The following TMEM245 variants were observed in gnomAD, a reference collection of about 807,000 sequenced individuals.
The protein encoded by TMEM245 is protein CG-2.
A neutral mutation model predicts 101.2 loss-of-function variants in TMEM245; 69 were observed. That is an observed-to-expected ratio of 0.68 (90% CI 0.56 to 0.83). The LOEUF is 0.83. Ranked by LOEUF, TMEM245 falls within the 40% of genes least tolerant of loss-of-function variation. The pLI, the probability that TMEM245 is intolerant of heterozygous loss-of-function variation, is 0.00. For missense variants in TMEM245, 1,075 were observed against 1,092.8 expected (o/e 0.98, Z 0.23); for synonymous variants, 537 against 449.8 (o/e 1.19, Z -2.45).
chr9:109,118,304 G>C (rs973659247), intron 1 of TMEM245, among the ~76,000 whole-genome samples: 1 of 152,192 alleles, frequency 6.6e-6, no homozygotes, highest in Non-Finnish European at 1.5e-5. Flanking sequence ...CCGCTAGACA[G>C]ATAAGGGGAA....
intron 2 of TMEM245, 126 bp from the exon 3 acceptor site, chr9:109,106,735 GC>G: frequency 5.3e-6 from 3 of 561,822 alleles, no homozygotes; most frequent in East Asian, 3.2e-5. Context: ...TACTTATCAG[GC>G]AAAAAAAAAA....
intron 4 of TMEM245, among the ~76,000 whole-genome samples, chr9:109,092,615 T>C (rs1373054231): frequency 6.6e-6 from 1 of 152,176 alleles, no homozygotes; most frequent in African/African-American, 2.4e-5. Flanking sequence ...GCAAGAAAAA[T>C]AAGTGTTCCT....
In TMEM245 at chr9:109,118,436, T is replaced by C. The variant is rs546365540; in HGVS notation, c.579+899A>G. On this transcript the variant is annotated intron_variant, in intron 1 of 17. Transcript: ENST00000374586. ...AATTGGCATTCTTACGCACTAAATC[T>C]CCACTTGTTTTTAACAGTCTCCAGT... 1.1e-4 allele frequency among the ~76,000 whole-genome samples: 17 copies of C among 152,326 alleles called. No individual in the cohort carries two copies. In the East Asian group the frequency reaches 2.7e-3, roughly 24 times the overall value.
chr9:109,060,338 A>G lies in TMEM245; in HGVS notation c.1722+16T>C, dbSNP rs752906462. On this transcript the variant is annotated intron_variant, in intron 11 of 17. Coordinates refer to ENST00000374586, the MANE Select transcript of TMEM245 (RefSeq NM_032012.4). Reference sequence around the variant, plus strand: ...TTATTAGTTTACAACAGGAAACTTTAGCTAAAATAACTTACCTTTACAAAC... The same window carrying G: ...TTATTAGTTTACAACAGGAAACTTTGGCTAAAATAACTTACCTTTACAAAC... 1.3e-6 allele frequency: 2 copies of G among 1,583,486 alleles called. No homozygotes were observed. Among genetic ancestry groups the G allele is most frequent in the East Asian group, 4.5e-5 (2 of 44,568 alleles).
intron 8 of TMEM245, among the ~76,000 whole-genome samples, chr9:109,078,891 G>C (rs1323198557): frequency 6.6e-6 from 1 of 152,104 alleles, no homozygotes; most frequent in Admixed American, 6.6e-5. Context: ...ATGTCTGCTA[G>C]ATGTTTGATA....
intron 6 of TMEM245, 143 bp from the exon 7 acceptor site, chr9:109,086,163 G>T: frequency 2.6e-6 from 2 of 758,006 alleles, no homozygotes; most frequent in Non-Finnish European, 4.4e-6. Flanking sequence ...CGGAAAAACT[G>T]TAACACATCA....
intron 7 of TMEM245, among the ~76,000 whole-genome samples, chr9:109,084,974 T>C (rs542849624): frequency 1.2e-4 from 19 of 152,338 alleles, no homozygotes; most frequent in African/African-American, 4.3e-4. Flanking sequence ...TTTGATCTAT[T>C]TTCAAGAAGT....
chr9:109,089,290 G>A (rs768549630), intron 5 of TMEM245, among the ~76,000 whole-genome samples: 9 of 151,522 alleles, frequency 5.9e-5, no homozygotes, highest in Non-Finnish European at 1.0e-4. Flanking sequence ...TGCTCCCTGA[G>A]GACAGGCACT....
At chr9:109,087,465 A>T in intron 5 of TMEM245, 123 bp from the exon 6 acceptor site, 1 of 1,027,050 alleles carries the variant, frequency 9.7e-7, no homozygotes. Flanking sequence ...AAAGAAGATC[A>T]ATGTTAAAAA....
intron 6 of TMEM245, among the ~76,000 whole-genome samples, 196 bp from the exon 7 acceptor site, chr9:109,086,216 T>C (rs138742414): frequency 7.2e-5 from 11 of 152,316 alleles, no homozygotes; most frequent in Admixed American, 1.3e-4. Context: ...TTAAGATATA[T>C]AATGATTGAA....
intron 12 of TMEM245, among the ~76,000 whole-genome samples, chr9:109,052,231 T>C (rs372189518): frequency 6.6e-6 from 1 of 152,204 alleles, no homozygotes; most frequent in African/African-American, 2.4e-5. Context: ...CCCATTACCA[T>C]TTCTAAAATG....
At chr9:109,061,959 G>T (rs1829029203) in intron 10 of TMEM245, among the ~76,000 whole-genome samples, 1 of 151,884 alleles carries the variant, frequency 6.6e-6, no homozygotes, top group South Asian at 2.1e-4. Context: ...TCATTGCAGG[G>T]TTACTTGTGA....
At chr9:109,090,270 A>C (rs12005939) in intron 5 of TMEM245, among the ~76,000 whole-genome samples, 20,385 of 151,902 alleles carry the variant, frequency 0.13, 1,612 homozygotes, top group African/African-American at 0.19. Context: ...CAAAAAAAAA[A>C]CAAAAAATCA....
At chr9:109,023,382 T>TA (rs925015054) in intron 17 of TMEM245, among the ~76,000 whole-genome samples, 13 of 152,232 alleles carry the variant, frequency 8.5e-5, no homozygotes, top group African/African-American at 3.1e-4. Flanking sequence ...GTAAAGCTCA[T>TA]AAAACTATAA....
At chr9:109,029,703 A>T (rs1172199088) in intron 17 of TMEM245, among the ~76,000 whole-genome samples, 1 of 152,216 alleles carries the variant, frequency 6.6e-6, no homozygotes, top group Non-Finnish European at 1.5e-5. Context: ...ATTCCAATGC[A>T]AGGGAGAGTT....
chr9:109,029,018 C>T (rs537979057), intron 17 of TMEM245, among the ~76,000 whole-genome samples: 1 of 152,106 alleles, frequency 6.6e-6, no homozygotes, highest in African/African-American at 2.4e-5. Context: ...ACATGTCATA[C>T]AAAATATAAA....
intron 8 of TMEM245, among the ~76,000 whole-genome samples, chr9:109,076,849 C>A (rs921490414): frequency 6.6e-6 from 1 of 151,978 alleles, no homozygotes; most frequent in African/African-American, 2.4e-5. Context: ...CATCACAATG[C>A]CCAGCTAAAT....
intron 9 of TMEM245, among the ~76,000 whole-genome samples, chr9:109,066,356 G>A (rs924627355): frequency 6.7e-6 from 1 of 148,940 alleles, no homozygotes; most frequent in Admixed American, 6.8e-5. Flanking sequence ...TCAGGAGCCT[G>A]AGGCACAGGA....
Position 109,020,222 on chromosome 9 carries a change from A to C in TMEM245, c.*238T>G. The C allele has an allele frequency of 1.8e-6, 1 of 552,502 alleles. No individual in the cohort carries two copies. 34.2% of individuals were successfully genotyped at this position (552,502 alleles called of 1,614,324 possible). On this transcript the variant is annotated 3_prime_UTR_variant, in exon 18 of 18. Coordinates refer to ENST00000374586, the MANE Select transcript of TMEM245 (RefSeq NM_032012.4). ...AAAATGAAACTTTTCAAGCCATCTT[A>C]ACAACAGTTAAGTGAGCAAACCACC...
Sources: allele counts gnomAD v4.1 joint callset (sites outside exome capture counted in the v4.1 genomes callset), GRCh38; gene constraint gnomAD v4.1.1; transcripts MANE v1.5; gene names NCBI Gene and HGNC (gene_info 2026-07-23, HGNC 2026-07-21).